Variants in STOX2 observed in about 807,000 individuals in gnomAD.
STOX2 encodes storkhead box 2.
STOX2 carries 28 observed loss-of-function variants against 60.9 expected under a neutral mutation model. The observed-to-expected ratio is 0.46, with a 90% CI of 0.34 to 0.63. The LOEUF is 0.63. Ranked by LOEUF, STOX2 falls within the 30% of genes least tolerant of loss-of-function variation. STOX2 has a pLI of 0.01. For synonymous variants in STOX2, 472 were observed against 463.9 expected, an observed-to-expected ratio of 1.02 and a Z score of -0.22; for missense variants, 1,024 against 1,187.7, an observed-to-expected ratio of 0.86 and a Z score of 2.03.
intron 1 of STOX2, among the ~76,000 whole-genome samples, chr4:183,975,570 A>G (rs919052638): frequency 2.6e-5 from 4 of 152,162 alleles, no homozygotes; most frequent in Non-Finnish European, 4.4e-5. Context: ...AACAATATAG[A>G]TGAAATGGAC....
At chr4:183,999,185 G>A (rs1733477822) in intron 1 of STOX2, among the ~76,000 whole-genome samples, 2 of 152,162 alleles carry the variant, frequency 1.3e-5, no homozygotes, top group South Asian at 4.1e-4. Context: ...CTTACCCACT[G>A]AGGTGGTCCC....
intron 1 of STOX2, among the ~76,000 whole-genome samples, chr4:183,949,562 G>C (rs181831552): frequency 6.6e-6 from 1 of 152,222 alleles, no homozygotes; most frequent in East Asian, 1.9e-4. Flanking sequence ...GCTGGGCGTG[G>C]TGGCAGGTGC....
In STOX2 at chr4:183,935,746, G is replaced by A. The variant is rs150378077; in HGVS notation, c.166+28790G>A. ...ATTAATGGGACAGTAGTGCATTAAAGTAACTGACATTGTGCCTGGGACTAA... is the reference window on the plus strand; with the variant it reads ...ATTAATGGGACAGTAGTGCATTAAAATAACTGACATTGTGCCTGGGACTAA... On this transcript the variant is annotated intron_variant, in intron 1 of 3. Transcript: ENST00000308497. Among the ~76,000 whole-genome samples the A allele has an allele frequency of 2.2e-3, 335 of 152,350 alleles. 1 individual carries two copies. Among genetic ancestry groups the A allele is most frequent in the African/African-American group, 7.6e-3 (317 of 41,580 alleles).
intron 1 of STOX2, among the ~76,000 whole-genome samples, chr4:183,805,942 C>T (rs1738880256): frequency 6.6e-6 from 1 of 152,222 alleles, no homozygotes; most frequent in African/African-American, 2.4e-5. Flanking sequence ...AGGGCCAGAG[C>T]TGGCGGTGTG....
intron 1 of STOX2, among the ~76,000 whole-genome samples, chr4:183,862,171 GTTT>G (rs1740463945): frequency 2.7e-5 from 1 of 36,842 alleles, no homozygotes; most frequent in African/African-American, 6.9e-5. Context: ...TGTTGTTGTT[GTTT>G]GTTTGTTTGT....
intron 1 of STOX2, among the ~76,000 whole-genome samples, chr4:183,951,173 C>T (rs905066782): frequency 1.3e-5 from 2 of 150,386 alleles, no homozygotes; most frequent in Non-Finnish European, 3.0e-5. Flanking sequence ...CGAGATCGCG[C>T]CACTGCACTC....
chr4:183,798,889 G>A, intron 1 of STOX2: 2 of 346,986 alleles, frequency 5.8e-6, no homozygotes, highest in South Asian at 1.2e-4. Flanking sequence ...TTGTACTTTG[G>A]GTTTTATACT....
At chr4:183,909,097 C>T (rs1245720522) in intron 1 of STOX2, among the ~76,000 whole-genome samples, 1 of 152,204 alleles carries the variant, frequency 6.6e-6, no homozygotes, top group Admixed American at 6.5e-5. Context: ...CAAACACCTA[C>T]AATGAAGATT....
chr4:183,967,361 C>T lies in STOX2; in HGVS notation c.167-33964C>T, dbSNP rs143062267. On this transcript the variant is annotated intron_variant, in intron 1 of 3. Coordinates refer to ENST00000308497, the MANE Select transcript of STOX2 (RefSeq NM_020225.3). ...AGCCTGGGCAACAAGAGCGAAACTCCGTCTCAAGAGAAAAAAAAAAAAAAA... is the reference window on the plus strand; with the variant it reads ...AGCCTGGGCAACAAGAGCGAAACTCTGTCTCAAGAGAAAAAAAAAAAAAAA... Among the ~76,000 whole-genome samples, 643 of 145,186 alleles carry T rather than the reference C, an allele frequency of 4.4e-3. 5 individuals carry two copies. The highest frequency in any genetic ancestry group is 0.016 in the African/African-American group (587 of 37,428).
chr4:184,017,778 G>A lies in STOX2; in HGVS notation c.*494G>A, dbSNP rs1734442206. ...CTACCACGAAATGTCAAATGCAAGG[G>A]TCCACCTTGAGGGAAATAGATGCCA... On this transcript the variant is annotated 3_prime_UTR_variant, in exon 4 of 4. Transcript: ENST00000308497. 6.6e-6 allele frequency: 1 copy of A among 151,834 alleles called. No homozygotes were observed. Among genetic ancestry groups the A allele is most frequent in the African/African-American group, 2.4e-5 (1 of 41,292 alleles). The allele number at this position is 151,834 out of a possible 1,614,324, so 9.4% of individuals were successfully genotyped here.
chr4:183,889,356 G>A (rs1741155594), intron 1 of STOX2, among the ~76,000 whole-genome samples: 1 of 152,124 alleles, frequency 6.6e-6, no homozygotes, highest in South Asian at 2.1e-4. Flanking sequence ...ACCAAGGAAT[G>A]CCAGAGGTCA....
intron 1 of STOX2, among the ~76,000 whole-genome samples, chr4:183,947,466 C>T (rs1742929690): frequency 6.6e-6 from 1 of 152,142 alleles, no homozygotes; most frequent in Non-Finnish European, 1.5e-5. Context: ...TGCCCTGTTG[C>T]ATTGGCCCTT....
chr4:183,864,988 G>T (rs1046156594), intron 1 of STOX2, among the ~76,000 whole-genome samples: 1 of 151,906 alleles, frequency 6.6e-6, no homozygotes, highest in Admixed American at 6.6e-5. Context: ...CTTCTGCTCC[G>T]GTATGAAAGA....
chr4:183,856,669 G>T lies in STOX2; in HGVS notation c.364+58614G>T, dbSNP rs1249143833. Reference sequence around the variant, plus strand: ...GTTAGCTGTCTCGGACTCGGACCCCGGGGGATGATAGCTCCCTTGCCCAAG... The same window carrying T: ...GTTAGCTGTCTCGGACTCGGACCCCTGGGGATGATAGCTCCCTTGCCCAAG... On this transcript the variant is annotated intron_variant, in intron 1 of 2. Transcript: ENST00000513034. The surrounding 1 kb of genome is among the most constrained non-coding windows in gnomAD (Gnocchi z 4.0). Among the ~76,000 whole-genome samples, 1 of 152,166 alleles carries T rather than the reference G, an allele frequency of 6.6e-6. No homozygotes were observed. The highest frequency in any genetic ancestry group is 6.5e-5 in the Admixed American group (1 of 15,282).
chr4:183,831,687 C>T (rs1169311440), intron 1 of STOX2, among the ~76,000 whole-genome samples: 1 of 151,922 alleles, frequency 6.6e-6, no homozygotes, highest in African/African-American at 2.4e-5. Context: ...CGCTGAGGGC[C>T]CTGACCACCA....
At chr4:183,816,184 C>T (rs534805602) in intron 1 of STOX2, among the ~76,000 whole-genome samples, 53 of 152,284 alleles carry the variant, frequency 3.5e-4, no homozygotes, top group African/African-American at 1.3e-3. Context: ...TTTTTAAAAG[C>T]TGAGCAGTGG....
At chr4:183,936,285 C>T (rs1742588034) in intron 1 of STOX2, among the ~76,000 whole-genome samples, 2 of 152,158 alleles carry the variant, frequency 1.3e-5, no homozygotes, top group Non-Finnish European at 2.9e-5. Flanking sequence ...GCTATAGCCT[C>T]GTGTAGCCTA....
At chr4:183,913,986 G>A (rs1037107670) in intron 1 of STOX2, among the ~76,000 whole-genome samples, 9 of 152,106 alleles carry the variant, frequency 5.9e-5, no homozygotes, top group African/African-American at 2.2e-4. Context: ...GGTTTCTCTC[G>A]ATAATTATAT....
chr4:183,839,127 A>C (rs1739787809), intron 1 of STOX2, among the ~76,000 whole-genome samples: 1 of 152,022 alleles, frequency 6.6e-6, no homozygotes, highest in Non-Finnish European at 1.5e-5. Flanking sequence ...ATCCAATCCA[A>C]AGGCAGTTGG....
Sources: allele counts gnomAD v4.1 joint callset (sites outside exome capture counted in the v4.1 genomes callset), GRCh38; gene constraint gnomAD v4.1.1; non-coding constraint Gnocchi (gnomAD v3.1); transcripts MANE v1.5; gene names NCBI Gene and HGNC (gene_info 2026-07-23, HGNC 2026-07-21).